The following RTKN2 variants were observed in gnomAD, a reference collection of about 807,000 sequenced individuals.
The protein encoded by RTKN2 is rhotekin 2, also known as rhotekin-2.
In RTKN2, 69 loss-of-function variants were observed where a neutral mutation model predicts 71.5. The ratio of observed to expected loss-of-function variants is 0.96; its 90% CI spans 0.79 to 1.18. RTKN2 has a LOEUF of 1.18. Among genes scored for constraint, RTKN2 ranks in the 50% most tolerant of loss-of-function variants. The pLI, the probability that RTKN2 is intolerant of heterozygous loss-of-function variation, is 0.00. For missense variants in RTKN2, 724 were observed against 719.7 expected, an observed-to-expected ratio of 1.01 and a Z score of -0.07; for synonymous variants, 236 against 236.5, an observed-to-expected ratio of 1.00 and a Z score of 0.02.
intron 5 of RTKN2, among the ~76,000 whole-genome samples, chr10:62,237,108 T>C (rs1013572291): frequency 2.0e-5 from 3 of 151,926 alleles, no homozygotes; most frequent in Non-Finnish European, 4.4e-5. Flanking sequence ...TTTTGTTAAA[T>C]AGATTTTAGC....
intron 4 of RTKN2, among the ~76,000 whole-genome samples, chr10:62,240,474 T>G (rs993891617): frequency 6.6e-6 from 1 of 152,198 alleles, no homozygotes; most frequent in Admixed American, 6.5e-5. Context: ...TTATATTTCC[T>G]AATTGAATAA....
At chr10:62,221,115 A>G (rs7096738) in intron 7 of RTKN2, among the ~76,000 whole-genome samples, 113,741 of 150,094 alleles carry the variant, frequency 0.76, 43,178 homozygotes, top group East Asian at 0.9. Flanking sequence ...ATCTAAATAA[A>G]TATTAAATCT....
intron 6 of RTKN2, 64 bp from the exon 7 acceptor site, chr10:62,223,396 T>G (rs1198931886): frequency 1.0e-6 from 1 of 955,990 alleles, no homozygotes; most frequent in African/African-American, 1.6e-5. Context: ...ACAAAATATT[T>G]GTATGTTCAA....
At chr10:62,259,642 C>T (rs1341364437) in intron 2 of RTKN2, among the ~76,000 whole-genome samples, 2 of 152,162 alleles carry the variant, frequency 1.3e-5, no homozygotes, top group African/African-American at 4.8e-5. Flanking sequence ...GCCTTGATAT[C>T]CCAAGCTTGA....
At chr10:62,241,555 A>T (rs1239404891) in intron 3 of RTKN2, among the ~76,000 whole-genome samples, 1 of 152,126 alleles carries the variant, frequency 6.6e-6, no homozygotes, top group African/African-American at 2.4e-5. Flanking sequence ...ATTACTGTCT[A>T]GCTAAATACC....
chr10:62,263,639 G>C (rs539056557), intron 1 of RTKN2, among the ~76,000 whole-genome samples: 50 of 152,284 alleles, frequency 3.3e-4, no homozygotes, highest in African/African-American at 1.2e-3. Flanking sequence ...CTGAGTAAAG[G>C]AGCCAAGGTT....
At chr10:62,241,037 A>C in intron 4 of RTKN2, 105 bp downstream of exon 4, 1 of 631,014 alleles carries the variant, frequency 1.6e-6, no homozygotes, top group East Asian at 2.8e-5. Context: ...TATTCTTTCA[A>C]ATGACATCAA....
downstream of RTKN2, among the ~76,000 whole-genome samples, chr10:62,190,641 A>C (rs943098782): frequency 6.6e-6 from 1 of 152,066 alleles, no homozygotes; most frequent in Non-Finnish European, 1.5e-5. Flanking sequence ...CAAAGTATTT[A>C]CTCACCTGTT....
At chr10:62,247,000 T>C (rs535616719) in intron 2 of RTKN2, among the ~76,000 whole-genome samples, 5 of 152,124 alleles carry the variant, frequency 3.3e-5, no homozygotes, top group South Asian at 4.1e-4. Context: ...GAGTATTCTT[T>C]GTATTTTTCA....
chr10:62,252,812 A>C (rs1045542541), intron 2 of RTKN2, among the ~76,000 whole-genome samples: 4 of 152,064 alleles, frequency 2.6e-5, no homozygotes, highest in African/African-American at 7.2e-5. Flanking sequence ...TAAGGGAAAT[A>C]CATAAAAAAA....
downstream of RTKN2, among the ~76,000 whole-genome samples, chr10:62,190,533 C>T (rs78672662): frequency 6.3e-4 from 96 of 152,258 alleles, 1 homozygote; most frequent in East Asian, 0.018. Context: ...TGGTTGCCAC[C>T]TCCAAAGGCA....
In RTKN2 at chr10:62,261,961, G is replaced by A. The variant is rs1842782388; in HGVS notation, c.257+664C>T. Reference sequence around the variant, plus strand: ...GCCTCTAAATTGAACCAATTCTTAGGTTCAAGTAAGATTTGGCATTGTAAA... The same window carrying A: ...GCCTCTAAATTGAACCAATTCTTAGATTCAAGTAAGATTTGGCATTGTAAA... On this transcript the variant is annotated intron_variant, in intron 2 of 11. Coordinates refer to ENST00000373789, the MANE Select transcript of RTKN2 (RefSeq NM_145307.4). Among the ~76,000 whole-genome samples the A allele has an allele frequency of 1.3e-5, 2 of 152,108 alleles. 1 individual carries two copies. Among genetic ancestry groups the A allele is most frequent in the South Asian group, 4.1e-4 (2 of 4,830 alleles).
At chr10:62,258,094 T>C (rs777310754) in intron 2 of RTKN2, among the ~76,000 whole-genome samples, 11 of 152,214 alleles carry the variant, frequency 7.2e-5, no homozygotes, top group Admixed American at 5.2e-4. Flanking sequence ...ATTCTCAGGA[T>C]TGTGTGGTTT....
downstream of RTKN2, among the ~76,000 whole-genome samples, chr10:62,189,852 C>T (rs1281481149): frequency 6.8e-6 from 1 of 146,290 alleles, no homozygotes; most frequent in Non-Finnish European, 1.5e-5. Flanking sequence ...ATTCACCCAC[C>T]TTTTTTTTTT....
chr10:62,187,789 A>G, intron 8 of RTKN2, among the ~76,000 whole-genome samples: 1 of 152,160 alleles, frequency 6.6e-6, no homozygotes, highest in Non-Finnish European at 1.5e-5. Flanking sequence ...TCTAGATACA[A>G]TTTATGAGGA....
intron 6 of RTKN2, among the ~76,000 whole-genome samples, chr10:62,230,033 A>G (rs1186481143): frequency 1.3e-5 from 2 of 152,224 alleles, no homozygotes; most frequent in African/African-American, 2.4e-5. Context: ...TTGTCTAAAT[A>G]TCCCCCAAAG....
intron 9 of RTKN2, among the ~76,000 whole-genome samples, chr10:62,210,234 A>G (rs548949082): frequency 1.6e-4 from 25 of 152,316 alleles, no homozygotes; most frequent in African/African-American, 5.8e-4. Context: ...TATATTAACT[A>G]CATATAATTA....
At chr10:62,191,989 G>T (rs1349173316), downstream of RTKN2, among the ~76,000 whole-genome samples, 1 of 151,770 alleles carries the variant, frequency 6.6e-6, no homozygotes, top group African/African-American at 2.4e-5. Context: ...TAAGTATTAG[G>T]TCCTAGACTA....
chr10:62,268,187 G>A (rs1385139502), intron 1 of RTKN2, among the ~76,000 whole-genome samples: 1 of 152,192 alleles, frequency 6.6e-6, no homozygotes, highest in African/African-American at 2.4e-5. Flanking sequence ...GCTGTCCACT[G>A]GCCTCGCTGG....
Sources: gnomAD v4.1 joint callset for allele counts (sites outside exome capture counted in the v4.1 genomes callset) on GRCh38, gnomAD v4.1.1 for gene constraint, MANE v1.5 for transcripts, NCBI Gene and HGNC (gene_info 2026-07-23, HGNC 2026-07-21) for gene names.